Variants in CPQ observed in about 807,000 individuals in gnomAD.
CPQ encodes carboxypeptidase Q.
CPQ carries 37 observed loss-of-function variants against 45.7 expected under a neutral mutation model. The observed-to-expected ratio is 0.81, with a 90% CI of 0.62 to 1.07. The LOEUF is 1.07. CPQ is among the 50% of genes least tolerant of loss of function. The pLI, the probability that CPQ is intolerant of heterozygous loss-of-function variation, is 0.00. For missense variants in CPQ, 537 were observed against 572.9 expected (o/e 0.94, Z 0.64); for synonymous variants, 186 against 205.8 (o/e 0.90, Z 0.82).
chr8:96,943,423 T>C (rs1285415464), intron 4 of CPQ, among the ~76,000 whole-genome samples: 1 of 152,178 alleles, frequency 6.6e-6, no homozygotes, highest in East Asian at 1.9e-4. Context: ...ATACAAATCA[T>C]TGATAACTGA....
At chr8:96,757,807 A>G (rs1810347122) in intron 1 of CPQ, among the ~76,000 whole-genome samples, 1 of 152,076 alleles carries the variant, frequency 6.6e-6, no homozygotes, top group Non-Finnish European at 1.5e-5. Context: ...TTGTTGAAGT[A>G]TCTTTTTTTC....
In CPQ at chr8:96,900,593, A is replaced by G. The variant is rs1171001095; in HGVS notation, c.849+20588A>G. Among the ~76,000 whole-genome samples, 3 of 152,182 alleles carry G rather than the reference A, an allele frequency of 2.0e-5. No individual in the cohort carries two copies. The East Asian group carries it at 5.8e-4, about 29-fold the overall frequency. The stretch of plus-strand genomic sequence containing the variant: ...AGCAACTCTATTTCCTCATGTAGCC[A>G]TAACAAATGGAACTTTTATATTTAT... On this transcript the variant is annotated intron_variant, in intron 4 of 7. Coordinates refer to ENST00000220763, the MANE Select transcript of CPQ (RefSeq NM_016134.4).
At chr8:97,014,580 T>G (rs1252070500) in intron 5 of CPQ, among the ~76,000 whole-genome samples, 1 of 148,386 alleles carries the variant, frequency 6.7e-6, no homozygotes, top group East Asian at 2.0e-4. Flanking sequence ...AGTCGGAGGT[T>G]GCAGTGAGCT....
intron 4 of CPQ, among the ~76,000 whole-genome samples, chr8:96,899,121 T>TA (rs978920695): frequency 6.6e-6 from 1 of 152,056 alleles, no homozygotes; most frequent in Admixed American, 6.6e-5. Context: ...AAGTTGTGGA[T>TA]AAAATTAGGG....
intron 4 of CPQ, among the ~76,000 whole-genome samples, chr8:96,944,990 A>G (rs1813170796): frequency 6.6e-6 from 1 of 152,136 alleles, no homozygotes; most frequent in African/African-American, 2.4e-5. Context: ...GCTCATCATC[A>G]TGTCTCCGGG....
At chr8:97,101,854 T>C (rs930555881) in intron 7 of CPQ, among the ~76,000 whole-genome samples, 1 of 151,864 alleles carries the variant, frequency 6.6e-6, no homozygotes, top group Non-Finnish European at 1.5e-5. Flanking sequence ...TCAATCTCCC[T>C]TCCCACGTGT....
At chr8:97,011,449 T>A (rs1809483158) in intron 5 of CPQ, among the ~76,000 whole-genome samples, 1 of 152,196 alleles carries the variant, frequency 6.6e-6, no homozygotes, top group Non-Finnish European at 1.5e-5. Context: ...ATTCTCTAAG[T>A]TGAGATTTTT....
At chr8:97,123,206 A>AAATAAAAAATAAAAT (rs1428874590) in intron 7 of CPQ, among the ~76,000 whole-genome samples, 8 of 91,058 alleles carry the variant, frequency 8.8e-5, no homozygotes, top group African/African-American at 3.1e-4. Flanking sequence ...AAATAAAATA[A>AAATAAAAAATAAAAT]AAAATAAAAT....
chr8:96,852,753 C>T (rs767202381), intron 3 of CPQ, among the ~76,000 whole-genome samples: 8 of 152,138 alleles, frequency 5.3e-5, no homozygotes, highest in South Asian at 2.1e-4. Flanking sequence ...CCAGATGGCA[C>T]GGCTGGAGAA....
intron 6 of CPQ, among the ~76,000 whole-genome samples, chr8:97,049,871 C>T (rs1262402691): frequency 2.0e-5 from 3 of 152,198 alleles, no homozygotes; most frequent in Non-Finnish European, 4.4e-5. Flanking sequence ...CTTTGTGTCA[C>T]CCATGCTCCT....
intron 1 of CPQ, among the ~76,000 whole-genome samples, chr8:96,766,833 A>G (rs150159279): frequency 6.6e-6 from 1 of 152,160 alleles, no homozygotes; most frequent in African/African-American, 2.4e-5. Context: ...TTACTGATGC[A>G]GGGAAGCAAT....
intron 5 of CPQ, among the ~76,000 whole-genome samples, chr8:97,028,494 T>A (rs1462231502): frequency 6.6e-6 from 1 of 152,250 alleles, no homozygotes; most frequent in Admixed American, 6.5e-5. Context: ...CTTAATAAGA[T>A]TTAAGCACAG....
chr8:96,652,515 A>G (rs574848927), intron 1 of CPQ, among the ~76,000 whole-genome samples: 1 of 152,180 alleles, frequency 6.6e-6, no homozygotes, highest in Admixed American at 6.6e-5. Context: ...GGATCATATG[A>G]TAGTTCTATC....
intron 1 of CPQ, among the ~76,000 whole-genome samples, chr8:96,745,377 A>G (rs1210218656): frequency 6.6e-6 from 1 of 152,242 alleles, no homozygotes; most frequent in Admixed American, 6.5e-5. Flanking sequence ...AAAGAAGTTC[A>G]TCATCATCCT....
At chr8:97,042,798 G>T (rs1810154470) in intron 6 of CPQ, among the ~76,000 whole-genome samples, 1 of 152,024 alleles carries the variant, frequency 6.6e-6, no homozygotes, top group African/African-American at 2.4e-5. Flanking sequence ...GAGCGGTTTT[G>T]AGTGAGTTTC....
At position 97,131,385 on chromosome 8, in the gene CPQ, G is replaced by A. The variant is rs80128321; in HGVS notation, c.1256-11635G>A. ...CCTCTAAAGAAATTCACATGACACC[G>A]TCTTCATTTTTCTGAACATGATACA... On this transcript the variant is annotated intron_variant, in intron 7 of 7. Coordinates refer to ENST00000220763, the MANE Select transcript of CPQ (RefSeq NM_016134.4). 5.9e-3 allele frequency among the ~76,000 whole-genome samples: 901 copies of A among 152,172 alleles called. 5 individuals carry two copies. The highest frequency in any genetic ancestry group is 0.02 in the African/African-American group (829 of 41,520).
At chr8:96,706,230 T>C (rs1333086646) in intron 1 of CPQ, among the ~76,000 whole-genome samples, 1 of 152,204 alleles carries the variant, frequency 6.6e-6, no homozygotes, top group Non-Finnish European at 1.5e-5. Context: ...ACTTGATTTG[T>C]GAATTTATCT....
intron 5 of CPQ, among the ~76,000 whole-genome samples, chr8:96,987,170 A>G (rs971993588): frequency 6.6e-6 from 1 of 152,118 alleles, no homozygotes; most frequent in African/African-American, 2.4e-5. Context: ...TCCTCATTCA[A>G]CATATGTCCA....
chr8:96,653,474 G>C lies in CPQ; in HGVS notation c.-35+8072G>C, dbSNP rs372291305. 2.6e-5 allele frequency among the ~76,000 whole-genome samples: 4 copies of C among 152,084 alleles called. No homozygotes were observed. In the South Asian group the frequency reaches 8.3e-4, roughly 32 times the overall value. Reference sequence around the variant, plus strand: ...TATACAGTTCATCCTTGAGCAATGCGGGGCTTAGCGGTGCTGACTCCCTCT... The same window carrying C: ...TATACAGTTCATCCTTGAGCAATGCCGGGCTTAGCGGTGCTGACTCCCTCT... On this transcript the variant is annotated intron_variant, in intron 1 of 7. Transcript: ENST00000220763.
Sources: gnomAD v4.1 joint callset for allele counts (sites outside exome capture counted in the v4.1 genomes callset) on GRCh38, gnomAD v4.1.1 for gene constraint, MANE v1.5 for transcripts, NCBI Gene and HGNC (gene_info 2026-07-23, HGNC 2026-07-21) for gene names.